The following ARHGEF28 variants were observed in gnomAD, a reference collection of about 807,000 sequenced individuals.
ARHGEF28 encodes the protein 190 kDa guanine nucleotide exchange factor.
In ARHGEF28, 152 loss-of-function variants were observed where a neutral mutation model predicts 206.6. The ratio of observed to expected loss-of-function variants is 0.74; its 90% CI spans 0.64 to 0.84. The LOEUF (loss-of-function observed/expected upper bound fraction) is 0.84, where lower values mean the gene tolerates loss of function less well. Among genes scored for constraint, ARHGEF28 ranks in the 40% least tolerant of loss-of-function variants. ARHGEF28 has a pLI of 0.00. For missense variants in ARHGEF28, 2,028 were observed against 2,073.2 expected, an observed-to-expected ratio of 0.98 and a Z score of 0.42; for synonymous variants, 763 against 776.4, an observed-to-expected ratio of 0.98 and a Z score of 0.29.
chr5:73,925,565 A>G (rs1043283873), intron 35 of ARHGEF28, among the ~76,000 whole-genome samples: 2 of 152,212 alleles, frequency 1.3e-5, no homozygotes, highest in African/African-American at 4.8e-5. Flanking sequence ...TGGGAAGAAT[A>G]TCAAGGCACA....
rs192903094 is a variant in ARHGEF28, at chr5:73,836,608, A to G, written c.1147-3872A>G. ...GTTTGTAAATATCTTCTCCAATTCTATAAGTTGCTGTTTTATTTTGCTGTT... is the reference window on the plus strand; with the variant it reads ...GTTTGTAAATATCTTCTCCAATTCTGTAAGTTGCTGTTTTATTTTGCTGTT... On this transcript the variant is annotated intron_variant, in intron 10 of 35. Coordinates refer to ENST00000513042, the MANE Select transcript of ARHGEF28 (RefSeq NM_001177693.2). Among the ~76,000 whole-genome samples, 11 of 152,204 alleles carry G rather than the reference A, an allele frequency of 7.2e-5. No individual in the cohort carries two copies. In the East Asian group the frequency reaches 7.7e-4, roughly 11 times the overall value.
At chr5:73,827,799 T>A (rs1757006627) in intron 9 of ARHGEF28, among the ~76,000 whole-genome samples, 1 of 152,214 alleles carries the variant, frequency 6.6e-6, no homozygotes, top group Non-Finnish European at 1.5e-5. Flanking sequence ...AATTTTTAGC[T>A]AAGAAAAACT....
chr5:73,841,171 T>C (rs1261296941), intron 11 of ARHGEF28, among the ~76,000 whole-genome samples: 1 of 152,164 alleles, frequency 6.6e-6, no homozygotes, highest in Non-Finnish European at 1.5e-5. Flanking sequence ...TGGAGTATTA[T>C]TATAGCAGCA....
chr5:73,806,377 T>G (rs1206428534), intron 9 of ARHGEF28, among the ~76,000 whole-genome samples: 10 of 30,652 alleles, frequency 3.3e-4, no homozygotes, highest in African/African-American at 3.3e-4. Context: ...ATATACTATA[T>G]ATAGATATAT....
At chr5:73,802,658 A>T (rs1561414558) in intron 9 of ARHGEF28, among the ~76,000 whole-genome samples, 1 of 152,212 alleles carries the variant, frequency 6.6e-6, no homozygotes, top group Non-Finnish European at 1.5e-5. Context: ...AAGTGACAAC[A>T]AATGTACAAA....
At position 73,848,982 on chromosome 5, in the gene ARHGEF28, C is replaced by T. The variant is rs1247348275; in HGVS notation, c.1642C>T (p.Leu548=). The T allele has an allele frequency of 1.3e-6, 2 of 1,558,918 alleles. No individual in the cohort carries two copies. The highest frequency in any genetic ancestry group is 1.2e-5 in the South Asian group (1 of 84,684). ...TTATTATAATCTCTTTTAGGAATCACTGCTTTCTGGAGTTCGCTCACGTTC... is the reference window on the plus strand; with the variant it reads ...TTATTATAATCTCTTTTAGGAATCATTGCTTTCTGGAGTTCGCTCACGTTC... ...LSSNLQSKES[L]LSGVRSRSYS... The change falls in exon 13 of 36, where the codon CTG becomes TTG. Residue 548 remains leucine (L), a synonymous_variant. Coordinates refer to ENST00000513042, the MANE Select transcript of ARHGEF28 (RefSeq NM_001177693.2).
intron 20 of ARHGEF28, among the ~76,000 whole-genome samples, chr5:73,869,703 T>C (rs796889472): frequency 8.1e-4 from 123 of 152,120 alleles, no homozygotes; most frequent in African/African-American, 2.9e-3. Flanking sequence ...GGTCAGGAGT[T>C]CAAGACCAGC....
chr5:73,638,827 C>A (rs139977873), intron 1 of ARHGEF28, among the ~76,000 whole-genome samples: 4 of 152,132 alleles, frequency 2.6e-5, no homozygotes, highest in African/African-American at 9.7e-5. Context: ...AAGTGTATCA[C>A]GTCTCAATAA....
In ARHGEF28 at chr5:73,858,182, T is replaced by C; in HGVS notation, c.2010T>C (p.Asp670=). The C allele has an allele frequency of 6.2e-7, 1 of 1,609,660 alleles. No individual in the cohort carries two copies. The highest frequency in any genetic ancestry group is 8.5e-7 in the Non-Finnish European group (1 of 1,178,700). The part of the protein sequence containing the change: ...FSGVLQCLVC[D]KTLLGKESLQ... The stretch of plus-strand genomic sequence containing the variant: ...GGGTTCTGCAGTGTTTGGTTTGTGA[T>C]AAAACACTCCTGGGGAAAGAGTCAC... Residue 670 remains aspartate (D), a synonymous_variant, in exon 16 of 36, where the codon GAT becomes GAC. Coordinates refer to ENST00000513042, the MANE Select transcript of ARHGEF28 (RefSeq NM_001177693.2).
intron 7 of ARHGEF28, among the ~76,000 whole-genome samples, chr5:73,788,492 A>G (rs575221281): frequency 3.9e-5 from 6 of 152,174 alleles, no homozygotes; most frequent in Non-Finnish European, 8.8e-5. Flanking sequence ...TGATTAATAT[A>G]TATTTTGTAT....
Position 73,638,379 on chromosome 5 carries a change from A to G in ARHGEF28, c.-12+12057A>G, listed in dbSNP as rs139062154. On this transcript the variant is annotated intron_variant, in intron 1 of 35. Transcript: ENST00000513042. ...TTTTTATAACTGTAGATACTTGAGAATTGAAACAATTTTATAGAATCCTGG... is the reference window on the plus strand; with the variant it reads ...TTTTTATAACTGTAGATACTTGAGAGTTGAAACAATTTTATAGAATCCTGG... 7.2e-4 allele frequency among the ~76,000 whole-genome samples: 109 copies of G among 152,356 alleles called. 2 individuals are homozygous for G. In the East Asian group the frequency reaches 0.013, roughly 19 times the overall value.
chr5:73,926,643 C>T (rs1420734959), intron 35 of ARHGEF28, among the ~76,000 whole-genome samples: 1 of 152,234 alleles, frequency 6.6e-6, no homozygotes, highest in Admixed American at 6.5e-5. Context: ...CCATCTCTTT[C>T]TGTGGACACC....
At chr5:73,768,002 C>G (rs750599966) in intron 4 of ARHGEF28, among the ~76,000 whole-genome samples, 1 of 152,198 alleles carries the variant, frequency 6.6e-6, no homozygotes, top group Non-Finnish European at 1.5e-5. Context: ...CGGGCCATGG[C>G]TTCTGAGGCT....
chr5:73,748,493 A>C (rs1428307309), intron 2 of ARHGEF28, among the ~76,000 whole-genome samples: 1 of 152,010 alleles, frequency 6.6e-6, no homozygotes, highest in Admixed American at 6.6e-5. Context: ...CTACTAGAAA[A>C]CCCTACACCG....
chr5:73,689,077 G>A (rs1281242450), intron 2 of ARHGEF28, among the ~76,000 whole-genome samples: 1 of 152,154 alleles, frequency 6.6e-6, no homozygotes, highest in Non-Finnish European at 1.5e-5. Context: ...TCAAATCTTG[G>A]CCTTTTTATG....
chr5:73,671,694 TTATATATATATATA>T (rs1182569252), intron 1 of ARHGEF28, among the ~76,000 whole-genome samples: 63 of 76,104 alleles, frequency 8.3e-4, no homozygotes, highest in Middle Eastern at 0.019. Flanking sequence ...TTGAACTTGA[TTATATATATATATA>T]TATATATATA....
intron 35 of ARHGEF28, among the ~76,000 whole-genome samples, chr5:73,922,042 C>T (rs1318823343): frequency 6.6e-6 from 1 of 152,140 alleles, no homozygotes; most frequent in Non-Finnish European, 1.5e-5. Context: ...CATGCAAAAC[C>T]CCAGATGAAA....
chr5:73,940,134 C>T (rs1257930164), intron 35 of ARHGEF28, among the ~76,000 whole-genome samples: 1 of 152,134 alleles, frequency 6.6e-6, no homozygotes, highest in South Asian at 2.1e-4. Flanking sequence ...AAGTGTCTTT[C>T]TTCAAATCAA....
At chr5:73,904,094 T>A in intron 31 of ARHGEF28, 128 bp from the exon 32 acceptor site, 2 of 857,666 alleles carry the variant, frequency 2.3e-6, no homozygotes, top group South Asian at 3.3e-5. Context: ...ACTGAGTCAG[T>A]ATAGATAAGG....
Sources: allele counts gnomAD v4.1 joint callset (sites outside exome capture counted in the v4.1 genomes callset), GRCh38; gene constraint gnomAD v4.1.1; transcripts MANE v1.5; gene names NCBI Gene and HGNC (gene_info 2026-07-23, HGNC 2026-07-21).